BCAS3: variants seen among roughly 807,000 people sequenced by gnomAD.
BCAS3 encodes the protein BCAS3 microtubule associated cell migration factor, also known as BCAS4/BCAS3 fusion.
Under a neutral mutation model 116.1 loss-of-function variants are expected in BCAS3, and 53 were observed. That is an observed-to-expected ratio of 0.46 (90% CI 0.37 to 0.57). The LOEUF is 0.57. Among genes scored for constraint, BCAS3 ranks in the 20% least tolerant of loss-of-function variants. The probability of loss-of-function intolerance (pLI) is 0.00; values close to 1 mark genes in which losing one functional copy is unlikely to be tolerated. For synonymous variants in BCAS3, 391 were observed against 408.2 expected (o/e 0.96, Z 0.51); for missense variants, 917 against 1,165.4 (o/e 0.79, Z 3.10).
At chr17:60,777,612 C>T (rs761045915) in intron 6 of BCAS3, among the ~76,000 whole-genome samples, 13 of 151,890 alleles carry the variant, frequency 8.6e-5, no homozygotes, top group Non-Finnish European at 1.6e-4. Flanking sequence ...GGTGACAGAG[C>T]GCGACTCTGT....
chr17:61,045,884 T>C (rs1266048416), intron 19 of BCAS3, among the ~76,000 whole-genome samples: 1 of 42,366 alleles, frequency 2.4e-5, no homozygotes, highest in African/African-American at 4.3e-4. Context: ...TAAATATATA[T>C]TATATATATA....
intron 6 of BCAS3, among the ~76,000 whole-genome samples, chr17:60,785,022 TGG>T (rs1290839484): frequency 1.3e-5 from 2 of 151,992 alleles, no homozygotes; most frequent in East Asian, 3.9e-4. Flanking sequence ...TGCTTGAACC[TGG>T]GGAGGCAGAG....
rs1283273004 is a variant in BCAS3, at chr17:61,233,477, A to G, written c.2426-134850A>G. On this transcript the variant is annotated intron_variant, in intron 22 of 23. Transcript: ENST00000407086. The surrounding 1 kb of genome is among the most constrained non-coding windows in gnomAD (Gnocchi z 4.3). ...TTATTGTGCTAAATATTTCTAAGAA[A>G]TGCTTCTTTTTAAGTTGCTGTCTTG... 6.6e-6 allele frequency among the ~76,000 whole-genome samples: 1 copy of G among 152,244 alleles called. No individual in the cohort carries two copies. The highest frequency in any genetic ancestry group is 1.5e-5 in the Non-Finnish European group (1 of 68,032).
chr17:61,187,102 A>G (rs572505123), intron 22 of BCAS3, among the ~76,000 whole-genome samples: 1 of 152,224 alleles, frequency 6.6e-6, no homozygotes, highest in Non-Finnish European at 1.5e-5. Context: ...CAAAATTTCA[A>G]GAGTATTAAA....
rs545128454 is a variant in BCAS3 at position 61,186,932 on chromosome 17, G to T, written c.2425+102368G>T. Among the ~76,000 whole-genome samples the T allele has an allele frequency of 1.3e-5, 2 of 152,046 alleles. No homozygotes were observed. Among genetic ancestry groups the T allele is most frequent in the Non-Finnish European group, 2.9e-5 (2 of 68,002 alleles). On this transcript the variant is annotated intron_variant, in intron 22 of 23. Coordinates refer to ENST00000407086, the MANE Select transcript of BCAS3 (RefSeq NM_017679.5). The surrounding 1 kb of genome is among the most constrained non-coding windows in gnomAD (Gnocchi z 4.9). ...TCACCGTGTTAGCCAGGATGGTCTC[G>T]ATCTCCTGACCTCGTGATCCACCCA... is the stretch of plus-strand genomic sequence containing the variant.
At chr17:60,809,187 G>T (rs2048559060) in intron 7 of BCAS3, among the ~76,000 whole-genome samples, 1 of 151,676 alleles carries the variant, frequency 6.6e-6, no homozygotes, top group Non-Finnish European at 1.5e-5. Context: ...GGAAGGCTGA[G>T]GCACGAGAAT....
chr17:60,969,275 A>C (rs1189390365), intron 14 of BCAS3, among the ~76,000 whole-genome samples: 1 of 152,188 alleles, frequency 6.6e-6, no homozygotes, highest in African/African-American at 2.4e-5. Flanking sequence ...AGTAGAAATT[A>C]TTTTAAAGCA....
intron 22 of BCAS3, among the ~76,000 whole-genome samples, chr17:61,109,264 C>T (rs143776250): frequency 6.0e-5 from 9 of 149,754 alleles, no homozygotes; most frequent in Admixed American, 2.0e-4. Context: ...TTCCTTGTTA[C>T]GGCCGAGTAG....
At chr17:61,296,679 A>G (rs932116524) in intron 22 of BCAS3, among the ~76,000 whole-genome samples, 1 of 152,214 alleles carries the variant, frequency 6.6e-6, no homozygotes, top group African/African-American at 2.4e-5. Context: ...TTTATTAAGC[A>G]CCAACCACAT....
At chr17:61,129,160 G>C (rs1420098595) in intron 22 of BCAS3, among the ~76,000 whole-genome samples, 1 of 152,208 alleles carries the variant, frequency 6.6e-6, no homozygotes, top group African/African-American at 2.4e-5. Flanking sequence ...AGGGTATGGA[G>C]TAAGAAAGGA....
intron 3 of BCAS3, among the ~76,000 whole-genome samples, chr17:60,685,876 A>T (rs76066853): frequency 0.048 from 6,994 of 146,124 alleles, 575 homozygotes; most frequent in African/African-American, 0.17. Context: ...TATATTAGAC[A>T]TTTTTTTTTT....
rs965707415 is a variant in BCAS3, at chr17:61,051,499, A to C, written c.2029+10607A>C. ...TGAATAAAGTCTCTGGATTGTATCA[A>C]TGGTGATTTTCTGATTTTGCAACTG... On this transcript the variant is annotated intron_variant, in intron 19 of 23. Coordinates refer to ENST00000407086, the MANE Select transcript of BCAS3 (RefSeq NM_017679.5). This position sits in a 1 kb window ranked among gnomAD's most constrained non-coding sequence, Gnocchi z 4.1. 1.1e-4 allele frequency among the ~76,000 whole-genome samples: 17 copies of C among 152,248 alleles called. No homozygotes were observed. The highest frequency in any genetic ancestry group is 2.1e-4 in the Non-Finnish European group (14 of 68,046).
chr17:60,928,452 A>G lies in BCAS3; in HGVS notation c.1087+3952A>G, dbSNP rs1051998486. On this transcript the variant is annotated intron_variant, in intron 13 of 23. Transcript: ENST00000407086. ...TTGTTGTGCACAGATATGTTTTTCA[A>G]TGTGTTCTCATTTCTGCAACATTTT... 1.1e-4 allele frequency among the ~76,000 whole-genome samples: 17 copies of G among 152,230 alleles called. 1 individual carries two copies. Among genetic ancestry groups the G allele is most frequent in the African/African-American group, 3.6e-4 (15 of 41,458 alleles).
At chr17:60,701,866 TG>T (rs925721105) in intron 4 of BCAS3, among the ~76,000 whole-genome samples, 1 of 151,088 alleles carries the variant, frequency 6.6e-6, no homozygotes, top group African/African-American at 2.5e-5. Flanking sequence ...CCCAGCTTCT[TG>T]GGAGACTGAG....
chr17:60,924,492 A>G lies in BCAS3; in HGVS notation c.1079A>G (p.Asn360Ser). ...AAGCCAGTGTGCTGCATGGCTTTTA[A>G]TACAAGTGGTAAGTTCGCTCTCTGT... is the stretch of plus-strand genomic sequence containing the variant. ...HEKPVCCMAF[N>S]TSGMLLVTTD... The change falls in exon 13 of 24, where the codon AAT (asparagine) becomes AGT (serine). Residue 360 changes from asparagine (N) to serine (S), a missense_variant. Around this residue, in one of 3 missense-constraint regions of BCAS3, gnomAD observed 807 missense variants for 1,026.0 expected, o/e 0.79. Transcript: ENST00000407086. 1 of 1,608,816 alleles carries G rather than the reference A, an allele frequency of 6.2e-7. No individual in the cohort carries two copies. The highest frequency in any genetic ancestry group is 8.5e-7 in the Non-Finnish European group (1 of 1,177,472).
At chr17:60,949,297 G>A (rs2060702576) in intron 14 of BCAS3, among the ~76,000 whole-genome samples, 1 of 152,122 alleles carries the variant, frequency 6.6e-6, no homozygotes, top group African/African-American at 2.4e-5. Flanking sequence ...TTGCTCTGTT[G>A]TCCAGGCTGG....
intron 22 of BCAS3, among the ~76,000 whole-genome samples, chr17:61,310,707 G>A (rs3902106): frequency 0.27 from 40,905 of 152,092 alleles, 7,544 homozygotes; most frequent in African/African-American, 0.53. Flanking sequence ...AGACATGAAG[G>A]GGGGCAGGCC....
intron 5 of BCAS3, among the ~76,000 whole-genome samples, chr17:60,738,975 A>G (rs935192357): frequency 2.0e-5 from 3 of 150,898 alleles, no homozygotes; most frequent in Non-Finnish European, 4.4e-5. Flanking sequence ...CTGCTTTTTT[A>G]GTTTGAGCAT....
At chr17:61,250,998 TCTA>T (rs2144545997) in intron 22 of BCAS3, among the ~76,000 whole-genome samples, 1 of 152,314 alleles carries the variant, frequency 6.6e-6, no homozygotes, top group East Asian at 1.9e-4. Context: ...AGTGTCTAAT[TCTA>T]CTACTTCCTC....
Sources: allele counts gnomAD v4.1 joint callset (sites outside exome capture counted in the v4.1 genomes callset), GRCh38; gene constraint gnomAD v4.1.1; regional missense constraint gnomAD v4.1.1; non-coding constraint Gnocchi (gnomAD v3.1); transcripts MANE v1.5; gene names NCBI Gene and HGNC (gene_info 2026-07-23, HGNC 2026-07-21).